The following GRK5 variants were observed in gnomAD, a reference collection of about 807,000 sequenced individuals.
GRK5 encodes G protein-coupled receptor kinase 5.
In GRK5, 40 loss-of-function variants were observed where a neutral mutation model predicts 78.4. The observed-to-expected ratio is 0.51, with a 90% CI of 0.40 to 0.66. GRK5 has a LOEUF of 0.66. Ranked by LOEUF, GRK5 falls within the 30% of genes least tolerant of loss-of-function variation. The pLI is 0.00. For missense variants in GRK5, 598 were observed against 759.9 expected, an observed-to-expected ratio of 0.79 and a Z score of 2.50; for synonymous variants, 289 against 296.8, an observed-to-expected ratio of 0.97 and a Z score of 0.27.
At chr10:119,272,795 T>C (rs1230336537) in intron 1 of GRK5, among the ~76,000 whole-genome samples, 1 of 152,138 alleles carries the variant, frequency 6.6e-6, no homozygotes, top group Non-Finnish European at 1.5e-5. Context: ...GGAGGTGTCA[T>C]GGTCCTTAAG....
chr10:119,296,120 C>T (rs571542919), intron 1 of GRK5, among the ~76,000 whole-genome samples: 63 of 152,178 alleles, frequency 4.1e-4, no homozygotes, highest in Non-Finnish European at 8.4e-4. Flanking sequence ...ATCAAGGACC[C>T]AGGCTCTTCT....
intron 2 of GRK5, among the ~76,000 whole-genome samples, chr10:119,327,354 G>A (rs1850696460): frequency 6.6e-6 from 1 of 152,210 alleles, no homozygotes; most frequent in African/African-American, 2.4e-5. Context: ...CCACTCCAGA[G>A]TGTTTGGGGT....
intron 1 of GRK5, among the ~76,000 whole-genome samples, chr10:119,239,882 T>G (rs1589696062): frequency 6.6e-6 from 1 of 152,154 alleles, no homozygotes. Flanking sequence ...TATTCCATGG[T>G]GTATATGTGC....
At chr10:119,276,050 A>G (rs1849665131) in intron 1 of GRK5, among the ~76,000 whole-genome samples, 1 of 152,174 alleles carries the variant, frequency 6.6e-6, no homozygotes, top group Non-Finnish European at 1.5e-5. Flanking sequence ...TTCATACCTC[A>G]GAGCTGGGAT....
intron 1 of GRK5, among the ~76,000 whole-genome samples, chr10:119,301,056 A>T (rs1190288583): frequency 6.6e-6 from 1 of 152,096 alleles, no homozygotes; most frequent in Non-Finnish European, 1.5e-5. Context: ...GTGAGCCGAG[A>T]TCGTGCCACT....
At chr10:119,236,415 T>A (rs571215436) in intron 1 of GRK5, among the ~76,000 whole-genome samples, 2 of 151,922 alleles carry the variant, frequency 1.3e-5, no homozygotes, top group South Asian at 4.1e-4. Flanking sequence ...GGGGTTTCAC[T>A]GTGTTAGCCA....
chr10:119,440,958 A>G (rs1395640937), intron 10 of GRK5, among the ~76,000 whole-genome samples: 2 of 152,152 alleles, frequency 1.3e-5, no homozygotes, highest in African/African-American at 4.8e-5. Flanking sequence ...CATCCTGCCA[A>G]AGTCACCCAG....
At chr10:119,413,005 A>G (rs57387632) in intron 4 of GRK5, among the ~76,000 whole-genome samples, 15,770 of 152,204 alleles carry the variant, frequency 0.1, 910 homozygotes, top group East Asian at 0.22. Flanking sequence ...CCCTGATTTT[A>G]CAGATGGTGA....
chr10:119,393,956 T>A (rs12775478), intron 3 of GRK5, among the ~76,000 whole-genome samples: 55 of 147,848 alleles, frequency 3.7e-4, no homozygotes, highest in African/African-American at 1.4e-3. Context: ...TGTTTGTGTG[T>A]GGGTGTCTGT....
chr10:119,314,454 G>A (rs1047656356), intron 1 of GRK5, among the ~76,000 whole-genome samples: 7 of 152,278 alleles, frequency 4.6e-5, no homozygotes, highest in Admixed American at 2.6e-4. Flanking sequence ...TGCCAGCCGC[G>A]GAATGCACCC....
chr10:119,392,367 C>T (rs367931247), intron 3 of GRK5, among the ~76,000 whole-genome samples: 1 of 152,184 alleles, frequency 6.6e-6, no homozygotes, highest in African/African-American at 2.4e-5. Context: ...GCACCTGGCA[C>T]GTATCTGGAT....
At chr10:119,265,924 C>T (rs966493064) in intron 1 of GRK5, among the ~76,000 whole-genome samples, 3 of 152,178 alleles carry the variant, frequency 2.0e-5, no homozygotes, top group African/African-American at 4.8e-5. Flanking sequence ...CTGGGATCTG[C>T]GTTGGGTCCT....
At chr10:119,269,447 G>A in intron 1 of GRK5, among the ~76,000 whole-genome samples, 1 of 152,106 alleles carries the variant, frequency 6.6e-6, no homozygotes, top group South Asian at 2.1e-4. Flanking sequence ...CCTGTAATGG[G>A]CTCACATTAT....
chr10:119,315,095 G>C (rs996420092), intron 1 of GRK5, among the ~76,000 whole-genome samples: 4 of 152,208 alleles, frequency 2.6e-5, no homozygotes, highest in African/African-American at 9.7e-5. Flanking sequence ...CCCTGTCCTG[G>C]TGTAACCCTC....
chr10:119,387,819 G>A (rs1851825704), intron 3 of GRK5, among the ~76,000 whole-genome samples: 1 of 152,164 alleles, frequency 6.6e-6, no homozygotes, highest in South Asian at 2.1e-4. Flanking sequence ...TTCACCCAGG[G>A]CACATTTATG....
At chr10:119,317,528 T>C (rs1383646132) in intron 1 of GRK5, among the ~76,000 whole-genome samples, 1 of 152,158 alleles carries the variant, frequency 6.6e-6, no homozygotes, top group Non-Finnish European at 1.5e-5. Context: ...AGCAGTGCTC[T>C]CCCTGCAGTC....
rs924343992 is a variant in GRK5, at chr10:119,336,049, G to A, written c.148+9438G>A. ...GGCAGAGGTTGAGGACCCTTTGAGA[G>A]GGTTTTGGAGTTTCCCAGAGAAGCT... is the stretch of plus-strand genomic sequence containing the variant. On this transcript the variant is annotated intron_variant, in intron 2 of 15. Coordinates refer to ENST00000392870, the MANE Select transcript of GRK5 (RefSeq NM_005308.3). This position sits in a 1 kb window ranked among gnomAD's most constrained non-coding sequence, Gnocchi z 4.5. 1.3e-5 allele frequency: 2 copies of A among 152,358 alleles called. No individual in the cohort carries two copies. The highest frequency in any genetic ancestry group is 4.8e-5 in the African/African-American group (2 of 41,464). The allele number at this position is 152,358 out of a possible 1,614,324, so 9.4% of individuals were successfully genotyped here.
intron 12 of GRK5, among the ~76,000 whole-genome samples, chr10:119,446,488 C>T (rs895007150): frequency 6.7e-5 from 9 of 134,586 alleles, no homozygotes; most frequent in Non-Finnish European, 1.1e-4. Flanking sequence ...CCTTTCTCAT[C>T]CTCGTTTGTG....
At chr10:119,320,640 G>A (rs983124910) in intron 1 of GRK5, among the ~76,000 whole-genome samples, 9 of 152,222 alleles carry the variant, frequency 5.9e-5, no homozygotes, top group African/African-American at 1.7e-4. Flanking sequence ...AGAAACATTC[G>A]GAAAGGTAGG....
Sources: allele counts gnomAD v4.1 joint callset (sites outside exome capture counted in the v4.1 genomes callset), GRCh38; gene constraint gnomAD v4.1.1; non-coding constraint Gnocchi (gnomAD v3.1); transcripts MANE v1.5; gene names NCBI Gene and HGNC (gene_info 2026-07-23, HGNC 2026-07-21).